Variants in NT5C1A observed in about 807,000 individuals in gnomAD.
NT5C1A encodes the protein 5'-nucleotidase, cytosolic IA, also known as cytosolic 5'-nucleotidase 1A.
A neutral mutation model predicts 31.0 loss-of-function variants in NT5C1A; 18 were observed. The observed-to-expected ratio is 0.58, with a 90% CI of 0.40 to 0.86. The LOEUF (loss-of-function observed/expected upper bound fraction) is 0.86. Ranked by LOEUF, NT5C1A falls within the 40% of genes least tolerant of loss-of-function variation. The pLI is 0.00. For synonymous variants in NT5C1A, 185 were observed against 203.6 expected, an observed-to-expected ratio of 0.91 and a Z score of 0.78; for missense variants, 470 against 505.4, an observed-to-expected ratio of 0.93 and a Z score of 0.67.
chr1:39,663,427 G>T lies in NT5C1A; in HGVS notation c.441C>A (p.Phe147Leu). The T allele has an allele frequency of 6.2e-7, 1 of 1,614,064 alleles. No individual in the cohort carries two copies. ...LINSINHYDL[F>L]IERFCMTGGN... is the part of the protein sequence containing the mutation. ...CACCTGTCATGCAGAACCTCTCGAT[G>T]AACAGGTCTGGGAAGGAGGTAAAGG... Residue 147 changes from phenylalanine (F) to leucine (L), a missense_variant, in exon 4 of 6, where the codon TTC (phenylalanine) becomes TTA (leucine). Physicochemically the swap from Phe to Leu is conservative, Grantham distance 22. Transcript: ENST00000235628.
rs2124148567 is a variant in NT5C1A at position 39,659,015 on chromosome 1, A to G, written c.*106T>C. On this transcript the variant is annotated 3_prime_UTR_variant, in exon 6 of 6. Coordinates refer to ENST00000235628, the MANE Select transcript of NT5C1A (RefSeq NM_032526.3). Reference sequence around the variant, plus strand: ...ATCACTCATAGGGATGAGGGCAGACAGGCAGAAGGACAGAACAGTGAGAAA... The same window carrying G: ...ATCACTCATAGGGATGAGGGCAGACGGGCAGAAGGACAGAACAGTGAGAAA... The G allele has an allele frequency of 1.4e-6, 2 of 1,412,600 alleles. No homozygotes were observed. Among genetic ancestry groups the G allele is most frequent in the Non-Finnish European group, 9.5e-7 (1 of 1,053,012 alleles). 87.5% of individuals were successfully genotyped at this position (1,412,600 alleles called of 1,614,324 possible).
In NT5C1A at chr1:39,651,922, T is replaced by C. The variant is rs921643900; in HGVS notation, c.*7199A>G. Among the ~76,000 whole-genome samples the C allele has an allele frequency of 2.0e-5, 3 of 148,646 alleles. No homozygotes were observed. Among genetic ancestry groups the C allele is most frequent in the Non-Finnish European group, 4.4e-5 (3 of 67,538 alleles). On this transcript the variant is annotated 3_prime_UTR_variant, in exon 6 of 6. Coordinates refer to ENST00000235628, the MANE Select transcript of NT5C1A (RefSeq NM_032526.3). ...GGCGGGCACCTGTAATCCCAGCTAC[T>C]CAGGAAGCTGAGGCAGGAGAATTGC...
Position 39,666,143 on chromosome 1 carries a change from C to T in NT5C1A, c.229G>A (p.Glu77Lys). 1.9e-6 allele frequency: 3 copies of T among 1,613,660 alleles called. No individual in the cohort carries two copies. Among genetic ancestry groups the T allele is most frequent in the Non-Finnish European group, 2.5e-6 (3 of 1,180,010 alleles). ...EQQIYTEQGV[E>K]EYVRYQLEHE... ...TCCAGCTGGTAGCGCACGTACTCCT[C>T]CACGCCCTGCTCCGTGTAGATCTGC... The change falls in exon 2 of 6, where the codon GAG (glutamate) becomes AAG (lysine). Residue 77 changes from glutamate (E) to lysine (K), a missense_variant. By Grantham distance (56) the Glu-to-Lys change is moderately conservative (BLOSUM62 1). Transcript: ENST00000235628.
chr1:39,660,600 G>C (rs1022079703), intron 5 of NT5C1A, among the ~76,000 whole-genome samples: 2 of 152,120 alleles, frequency 1.3e-5, no homozygotes, highest in African/African-American at 2.4e-5. Flanking sequence ...TTTCCAGTGA[G>C]GGAAACAGGC....
intron 1 of NT5C1A, among the ~76,000 whole-genome samples, chr1:39,669,374 G>GA (rs984620193): frequency 2.0e-5 from 3 of 152,190 alleles, no homozygotes; most frequent in Admixed American, 2.0e-4. Context: ...AAGGGCTGCT[G>GA]AAAGAGAGAG....
At position 39,659,293 on chromosome 1, in the gene NT5C1A, G is replaced by T. The variant is rs1008659344; in HGVS notation, c.935C>A (p.Ala312Glu). The T allele has an allele frequency of 1.2e-5, 20 of 1,613,916 alleles. No homozygotes were observed. The highest frequency in any genetic ancestry group is 1.7e-5 in the Non-Finnish European group (20 of 1,180,020). The change falls in exon 6 of 6, where the codon GCG (alanine) becomes GAG (glutamate). Residue 312 changes from alanine (A) to glutamate (E), a missense_variant. By Grantham distance (107) the Ala-to-Glu change is moderately radical (BLOSUM62 -1). Coordinates refer to ENST00000235628, the MANE Select transcript of NT5C1A (RefSeq NM_032526.3). ...ETDEALFLAG[A>E]PKGPLLEKIR... is the part of the protein sequence containing the mutation. ...CTTCTCAAGGAGAGGGCCCTTGGGC[G>T]CTCCAGCAAGGAACAAGGCTTCATC...
At chr1:39,669,447 C>A (rs1403586274) in intron 1 of NT5C1A, among the ~76,000 whole-genome samples, 1 of 152,148 alleles carries the variant, frequency 6.6e-6, no homozygotes. Flanking sequence ...CTCCAACAGG[C>A]CTTCAGGCGT....
intron 4 of NT5C1A, among the ~76,000 whole-genome samples, chr1:39,661,861 G>C (rs937485189): frequency 1.3e-5 from 2 of 152,204 alleles, no homozygotes; most frequent in African/African-American, 4.8e-5. Flanking sequence ...ATCGGGTGAG[G>C]TGAGTACGTG....
intron 4 of NT5C1A, among the ~76,000 whole-genome samples, chr1:39,661,844 G>A (rs1048926654): frequency 3.9e-5 from 6 of 152,184 alleles, no homozygotes; most frequent in African/African-American, 1.4e-4. Context: ...TGAGACCACA[G>A]GCTGCAATCG....
intron 1 of NT5C1A, 30 bp downstream of exon 1, chr1:39,671,874 G>C: frequency 6.2e-7 from 1 of 1,610,998 alleles, no homozygotes. Context: ...CCCTTCCCCC[G>C]TCCCCCGCAT....
intron 3 of NT5C1A, among the ~76,000 whole-genome samples, chr1:39,664,627 G>A (rs1193827854): frequency 4.1e-5 from 6 of 145,168 alleles, no homozygotes; most frequent in Non-Finnish European, 9.0e-5. Flanking sequence ...CGAATAGCTG[G>A]GATTACAGGT....
At position 39,672,068 on chromosome 1, in the gene NT5C1A, C is replaced by CAT; in HGVS notation, c.-31_-30insAT. The CAT allele has an allele frequency of 6.5e-7, 1 of 1,536,974 alleles. No individual in the cohort carries two copies. The highest frequency in any genetic ancestry group is 1.2e-5 in the South Asian group (1 of 82,990). On this transcript the variant is annotated 5_prime_UTR_variant, in exon 1 of 6. In the 5' UTR this introduces an upstream ATG that the reference lacks. Coordinates refer to ENST00000235628, the MANE Select transcript of NT5C1A (RefSeq NM_032526.3). The stretch of plus-strand genomic sequence containing the variant: ...CGGCTCTGACCCGGCCCGGCCAGAG[C>CAT]AGGCGGCGGCGTAGACGCGGAGGTG...
At chr1:39,664,452 A>ATT (rs1485552253) in intron 3 of NT5C1A, among the ~76,000 whole-genome samples, 1 of 117,684 alleles carries the variant, frequency 8.5e-6, no homozygotes, top group East Asian at 2.6e-4. Flanking sequence ...GGCCAGGTGT[A>ATT]TTATTTTTCT....
At position 39,659,138 on chromosome 1, in the gene NT5C1A, C is replaced by T; in HGVS notation, c.1090G>A (p.Ala364Thr). ...TPRRTAPAKQ[A>T]PSAQ ...TGGTTCAGCTACTGTGCAGATGGGG[C>T]CTGCTTTGCAGGTGCAGTCCGCCGG... The change falls in exon 6 of 6, where the codon GCC becomes ACC. Residue 364 changes from alanine to threonine, a missense_variant. Transcript: ENST00000235628. 6.2e-7 allele frequency: 1 copy of T among 1,604,822 alleles called. No homozygotes were observed. Among genetic ancestry groups the T allele is most frequent in the Non-Finnish European group, 8.5e-7 (1 of 1,174,228 alleles).
intron 3 of NT5C1A, among the ~76,000 whole-genome samples, chr1:39,664,618 G>A (rs1467932191): frequency 7.0e-6 from 1 of 142,390 alleles, no homozygotes; most frequent in Admixed American, 7.1e-5. Flanking sequence ...TCAGCCTCCC[G>A]AATAGCTGGG....
rs115018094 is a variant in NT5C1A at position 39,659,405 on chromosome 1, T to C, written c.823A>G (p.Ile275Val). 3.1e-3 allele frequency: 5,020 copies of C among 1,613,464 alleles called. 9 individuals are homozygous for C. Among genetic ancestry groups the C allele is most frequent in the Non-Finnish European group, 3.7e-3 (4,403 of 1,179,814 alleles). The change falls in exon 6 of 6, where the codon ATT becomes GTT. Residue 275 changes from isoleucine (I) to valine (V), a missense_variant. Coordinates refer to ENST00000235628, the MANE Select transcript of NT5C1A (RefSeq NM_032526.3). ...YSKGLRLECP[I>V]RTYLVTARSA... is the part of the protein sequence containing the mutation. Reference sequence around the variant, plus strand: ...CGTGCTGTCACCAAGTAGGTACGAATTGGGCACTCCAGCCGCAGGCCTTTG... The same window carrying C: ...CGTGCTGTCACCAAGTAGGTACGAACTGGGCACTCCAGCCGCAGGCCTTTG...
At chr1:39,670,109 ATTTAT>A (rs1407089737) in intron 1 of NT5C1A, among the ~76,000 whole-genome samples, 1 of 151,698 alleles carries the variant, frequency 6.6e-6, no homozygotes, top group East Asian at 1.9e-4. Flanking sequence ...AATGCATTAC[ATTTAT>A]TTATTTATTT....
Position 39,665,622 on chromosome 1 carries a change from C to T in NT5C1A, c.332G>A (p.Arg111Gln), listed in dbSNP as rs141209360. The T allele has an allele frequency of 1.7e-5, 27 of 1,613,246 alleles. No homozygotes were observed. The highest frequency in any genetic ancestry group is 1.7e-4 in the Middle Eastern group (1 of 6,036). ...GTCCTCACTATCAGGGTACAGCTCC[C>T]GCAGCCGCCTGTTCACGGCCTCCAG... ...KALEAVNRRL[R>Q]ELYPDSEDVF... is the part of the protein sequence containing the mutation. Residue 111 changes from arginine to glutamine, a missense_variant, in exon 3 of 6, where the codon CGG (arginine) becomes CAG (glutamine). Physicochemically the swap from Arg to Gln is conservative, Grantham distance 43 (BLOSUM62 1). Transcript: ENST00000235628.
In NT5C1A at chr1:39,653,730, G is replaced by A. The variant is rs1226169937; in HGVS notation, c.*5391C>T. ...TGCCACCTACTGGCAGAAAGGAGGT[G>A]GTTTTGTGTTTTGCTTTAAGACTAG... is the stretch of plus-strand genomic sequence containing the variant. On this transcript the variant is annotated 3_prime_UTR_variant, in exon 6 of 6. Coordinates refer to ENST00000235628, the MANE Select transcript of NT5C1A (RefSeq NM_032526.3). 6.6e-6 allele frequency among the ~76,000 whole-genome samples: 1 copy of A among 152,092 alleles called. No individual in the cohort carries two copies. The highest frequency in any genetic ancestry group is 1.5e-5 in the Non-Finnish European group (1 of 68,000).
Sources: allele counts gnomAD v4.1 joint callset (sites outside exome capture counted in the v4.1 genomes callset), GRCh38; gene constraint gnomAD v4.1.1; transcripts MANE v1.5; gene names NCBI Gene and HGNC (gene_info 2026-07-23, HGNC 2026-07-21).